RAD21L1: variants seen among roughly 807,000 people sequenced by gnomAD.
RAD21L1 encodes RAD21 cohesin complex component like 1, also known as double-strand-break repair protein rad21-like protein 1.
In RAD21L1, 47 loss-of-function variants were observed where a neutral mutation model predicts 69.0. The observed-to-expected ratio is 0.68, with a 90% CI of 0.54 to 0.87. The LOEUF is 0.87. Ranked by LOEUF, RAD21L1 falls within the 40% of genes least tolerant of loss-of-function variation. The pLI, the probability that RAD21L1 is intolerant of heterozygous loss-of-function variation, is 0.00. For missense variants in RAD21L1, 583 were observed against 647.6 expected (o/e 0.90, Z 1.08); for synonymous variants, 177 against 205.8 (o/e 0.86, Z 1.20).
At chr20:1,232,289 T>C (rs1296238075) in intron 4 of RAD21L1, among the ~76,000 whole-genome samples, 2 of 152,176 alleles carry the variant, frequency 1.3e-5, no homozygotes, top group South Asian at 2.1e-4. Context: ...TGTGATATAC[T>C]ACAGCGGGAC....
At chr20:1,250,175 G>A (rs1490207509) in intron 13 of RAD21L1, among the ~76,000 whole-genome samples, 1 of 150,674 alleles carries the variant, frequency 6.6e-6, no homozygotes, top group Non-Finnish European at 1.5e-5. Flanking sequence ...TCCCTACAAA[G>A]GACATGAACT....
intron 12 of RAD21L1, among the ~76,000 whole-genome samples, chr20:1,247,424 C>T (rs572964046): frequency 6.6e-6 from 1 of 152,156 alleles, no homozygotes; most frequent in East Asian, 1.9e-4. Flanking sequence ...GTTTATTTAA[C>T]AATAAAATAA....
chr20:1,229,450 G>T (rs1236400608), intron 2 of RAD21L1, among the ~76,000 whole-genome samples: 2 of 152,216 alleles, frequency 1.3e-5, no homozygotes, highest in Non-Finnish European at 2.9e-5. Context: ...GGGAGGCGGA[G>T]GTTGCAGTGA....
chr20:1,245,451 G>A (rs775859399), intron 11 of RAD21L1, among the ~76,000 whole-genome samples: 3 of 152,094 alleles, frequency 2.0e-5, no homozygotes, highest in African/African-American at 7.2e-5. Context: ...ATAATAAAAT[G>A]TAACTCCTTA....
intron 13 of RAD21L1, among the ~76,000 whole-genome samples, chr20:1,251,412 T>C (rs2122167174): frequency 6.6e-6 from 1 of 151,892 alleles, no homozygotes; most frequent in African/African-American, 2.4e-5. Context: ...TGTAGTGTGT[T>C]CTTTTATACA....
intron 3 of RAD21L1, among the ~76,000 whole-genome samples, chr20:1,230,228 C>T (rs905113604): frequency 2.0e-5 from 3 of 152,152 alleles, no homozygotes; most frequent in Admixed American, 6.5e-5. Context: ...AATGTTCCTG[C>T]ATATTTATGG....
intron 5 of RAD21L1, among the ~76,000 whole-genome samples, chr20:1,235,928 C>T (rs1474231207): frequency 6.6e-6 from 1 of 152,058 alleles, no homozygotes; most frequent in Non-Finnish European, 1.5e-5. Context: ...CCTCCGCACT[C>T]GGCTAATTTT....
At chr20:1,227,583 T>G (rs2087291868) in intron 1 of RAD21L1, among the ~76,000 whole-genome samples, 1 of 152,228 alleles carries the variant, frequency 6.6e-6, no homozygotes, top group Non-Finnish European at 1.5e-5. Flanking sequence ...ATTACTTATA[T>G]GTAAGCAATA....
chr20:1,252,748 T>A (rs2087860416), intron 13 of RAD21L1, among the ~76,000 whole-genome samples: 1 of 151,404 alleles, frequency 6.6e-6, no homozygotes, highest in Non-Finnish European at 1.5e-5. Flanking sequence ...ATGTCTCCAA[T>A]TCCTGAGCTT....
chr20:1,233,940 C>G, intron 4 of RAD21L1, 145 bp from the exon 5 acceptor site: 1 of 490,326 alleles, frequency 2.0e-6, no homozygotes, highest in South Asian at 3.9e-5. Flanking sequence ...TATTTATATA[C>G]ATGTATATAT....
rs1156702671 is a variant in RAD21L1, at chr20:1,246,291, A to T, written c.1387A>T (p.Ser463Cys). 6.6e-7 allele frequency: 1 copy of T among 1,509,086 alleles called. No homozygotes were observed. Among genetic ancestry groups the T allele is most frequent in the Admixed American group, 2.1e-5 (1 of 47,610 alleles). The allele number at this position is 1,509,086 out of a possible 1,614,324, so 93.5% of individuals were successfully genotyped here. ...NDLFAQEIEY[S>C]PVELESLSNE... ...CTTATTTGCACAAGAAATTGAATAT[A>T]GTCCAGTTGAATTGGTAAATATATG... Residue 463 changes from serine (S) to cysteine (C), a missense_variant, in exon 12 of 14, where the codon AGT becomes TGT. Ser to Cys is a moderately radical substitution (Grantham distance 112, BLOSUM62 -1). Transcript: ENST00000683101. The surrounding 1 kb of genome is among the most constrained non-coding windows in gnomAD (Gnocchi z 4.6).
intron 2 of RAD21L1, among the ~76,000 whole-genome samples, chr20:1,229,325 G>T (rs994079684): frequency 6.6e-6 from 1 of 152,104 alleles, no homozygotes; most frequent in Non-Finnish European, 1.5e-5. Context: ...GTAAATAGAG[G>T]TTGTTGTCAA....
chr20:1,254,252 T>A lies in RAD21L1; in HGVS notation c.1480-17T>A, dbSNP rs1568530326. 1 of 1,452,128 alleles carries A rather than the reference T, an allele frequency of 6.9e-7. No individual in the cohort carries two copies. The highest frequency in any genetic ancestry group is 9.2e-7 in the Non-Finnish European group (1 of 1,087,348). The allele number at this position is 1,452,128 out of a possible 1,614,324, so 90.0% of individuals were successfully genotyped here. On this transcript the variant is annotated splice_polypyrimidine_tract_variant and intron_variant, in intron 13 of 13. Coordinates refer to ENST00000683101, the MANE Select transcript of RAD21L1 (RefSeq NM_001384355.1). ...CTTGTTTCCCATTTCTTTTTTCTTTTCTAATTATTTTCCCAGGAATCTAAC... is the reference window on the plus strand; with the variant it reads ...CTTGTTTCCCATTTCTTTTTTCTTTACTAATTATTTTCCCAGGAATCTAAC...
In RAD21L1 at chr20:1,238,232, G is replaced by A; in HGVS notation, c.646+18G>A. The A allele has an allele frequency of 1.4e-6, 2 of 1,414,830 alleles. No individual in the cohort carries two copies. Among genetic ancestry groups the A allele is most frequent in the Non-Finnish European group, 1.9e-6 (2 of 1,063,794 alleles). The allele number at this position is 1,414,830 out of a possible 1,614,324, so 87.6% of individuals were successfully genotyped here. A position where few individuals can be genotyped will look rare whatever the true frequency, so the allele number is the denominator to read the frequency against. ...AATGATTGGTATGCTATCTGGTCAT[G>A]TGGAAATAAAATATTTATTTTCATC... On this transcript the variant is annotated intron_variant, in intron 6 of 13. Coordinates refer to ENST00000683101, the MANE Select transcript of RAD21L1 (RefSeq NM_001384355.1).
chr20:1,252,956 T>C (rs2087864664), intron 13 of RAD21L1, among the ~76,000 whole-genome samples: 1 of 152,246 alleles, frequency 6.6e-6, no homozygotes, highest in Admixed American at 6.5e-5. Context: ...TAAACGCTTA[T>C]GTTTAATCTT....
Position 1,246,166 on chromosome 20 carries a change from A to C in RAD21L1, c.1309-47A>C, listed in dbSNP as rs757002652. 2 of 1,008,550 alleles carry C rather than the reference A, an allele frequency of 2.0e-6. No individual in the cohort carries two copies. Among genetic ancestry groups the C allele is most frequent in the African/African-American group, 3.3e-5 (2 of 60,472 alleles). The allele number at this position is 1,008,550 out of a possible 1,614,324, so 62.5% of individuals were successfully genotyped here. On this transcript the variant is annotated intron_variant, in intron 11 of 13. Coordinates refer to ENST00000683101, the MANE Select transcript of RAD21L1 (RefSeq NM_001384355.1). The surrounding 1 kb of genome is among the most constrained non-coding windows in gnomAD (Gnocchi z 4.6). ...TTTAATAAAATTAGATTGTTCCTGT[A>C]TAACCACTGGCAGATTTACCTAACT...
chr20:1,230,111 A>G, intron 3 of RAD21L1, 102 bp downstream of exon 3: 1 of 831,020 alleles, frequency 1.2e-6, no homozygotes, highest in Non-Finnish European at 1.8e-6. Context: ...GTGAATGTAA[A>G]CTTAGTTTTG....
intron 13 of RAD21L1, among the ~76,000 whole-genome samples, chr20:1,252,307 G>A (rs369373176): frequency 6.6e-6 from 1 of 152,130 alleles, no homozygotes; most frequent in African/African-American, 2.4e-5. Flanking sequence ...CATGAGTAGG[G>A]GTTGTAGACT....
rs780819010 is a variant in RAD21L1 at position 1,243,192 on chromosome 20, A to G, written c.1179A>G (p.Ile393Met). Reference sequence around the variant, plus strand: ...GGGAAGAAGTGGGAAACCAAAATATAGTAGGTGAGACTTCTTAATTCTGTT... The same window carrying G: ...GGGAAGAAGTGGGAAACCAAAATATGGTAGGTGAGACTTCTTAATTCTGTT... The part of the protein sequence containing the change: ...SVREEVGNQN[I>M]VETSMMQEPN... Residue 393 changes from isoleucine to methionine, a missense_variant, in exon 10 of 14, where the codon ATA (isoleucine) becomes ATG (methionine). Coordinates refer to ENST00000683101, the MANE Select transcript of RAD21L1 (RefSeq NM_001384355.1). 1.4e-6 allele frequency: 2 copies of G among 1,442,288 alleles called. No homozygotes were observed. The highest frequency in any genetic ancestry group is 2.6e-5 in the South Asian group (2 of 76,432). 89.3% of individuals were successfully genotyped at this position (1,442,288 alleles called of 1,614,324 possible). A position where few individuals can be genotyped will look rare whatever the true frequency, so the allele number is the denominator to read the frequency against.
Sources: gnomAD v4.1 joint callset for allele counts (sites outside exome capture counted in the v4.1 genomes callset) on GRCh38, gnomAD v4.1.1 for gene constraint, Gnocchi (gnomAD v3.1) non-coding constraint, MANE v1.5 for transcripts, NCBI Gene and HGNC (gene_info 2026-07-23, HGNC 2026-07-21) for gene names.